EPB41L4A: variants seen among roughly 807,000 people sequenced by gnomAD.
EPB41L4A encodes band 4.1-like protein 4A.
In EPB41L4A, 100 loss-of-function variants were observed where a neutral mutation model predicts 108.6. The ratio of observed to expected loss-of-function variants is 0.92; its 90% confidence interval spans 0.78 to 1.09. The LOEUF is 1.09. EPB41L4A is among the 50% of genes least tolerant of loss of function. The pLI is 0.00. For synonymous variants in EPB41L4A, 319 were observed against 289.0 expected, an observed-to-expected ratio of 1.10 and a Z score of -1.05; for missense variants, 1,030 against 842.7, an observed-to-expected ratio of 1.22 and a Z score of -2.75.
At chr5:112,339,542 A>ATATTTT (rs371198329) in intron 1 of EPB41L4A, among the ~76,000 whole-genome samples, 7 of 110,684 alleles carry the variant, frequency 6.3e-5, no homozygotes, top group African/African-American at 2.0e-4. Flanking sequence ...ATATATATAT[A>ATATTTT]TTTTTTTTTT....
At chr5:112,395,343 T>C (rs1761257578) in intron 1 of EPB41L4A, among the ~76,000 whole-genome samples, 1 of 152,044 alleles carries the variant, frequency 6.6e-6, no homozygotes, top group Non-Finnish European at 1.5e-5. Context: ...TGCAATCTAC[T>C]CATCTGACAA....
In EPB41L4A at chr5:112,301,968, G is replaced by A. The variant is rs112061009; in HGVS notation, c.204+5418C>T. 6.1e-3 allele frequency among the ~76,000 whole-genome samples: 920 copies of A among 151,892 alleles called. 8 individuals are homozygous for A. Among genetic ancestry groups the A allele is most frequent in the African/African-American group, 0.021 (860 of 41,474 alleles). The stretch of plus-strand genomic sequence containing the variant: ...AGTAGAATAGGAATACAAGTTTAAC[G>A]ACATAAAAGGAATAAATAAATGTTT... On this transcript the variant is annotated intron_variant, in intron 2 of 22. Coordinates refer to ENST00000261486, the MANE Select transcript of EPB41L4A (RefSeq NM_022140.5).
chr5:112,171,136 GT>G, intron 18 of EPB41L4A, 144 bp from the exon 19 acceptor site: 2 of 684,524 alleles, frequency 2.9e-6, no homozygotes, highest in Non-Finnish European at 2.5e-6. Context: ...GAGAGCCATT[GT>G]GATGGTTAGT....
At chr5:112,196,102 A>C (rs1402109601) in intron 15 of EPB41L4A, among the ~76,000 whole-genome samples, 6 of 152,044 alleles carry the variant, frequency 3.9e-5, no homozygotes, top group Admixed American at 1.3e-4. Context: ...CCTCCACTTC[A>C]ACTCAGCAAC....
intron 1 of EPB41L4A, among the ~76,000 whole-genome samples, chr5:112,351,914 A>G (rs913129558): frequency 5.3e-5 from 8 of 152,230 alleles, no homozygotes; most frequent in Non-Finnish European, 1.2e-4. Flanking sequence ...TCATCTTGGT[A>G]GATGCAGAGA....
intron 2 of EPB41L4A, among the ~76,000 whole-genome samples, chr5:112,295,842 G>GCAATT (rs1753953611): frequency 6.6e-6 from 1 of 152,142 alleles, no homozygotes; most frequent in Admixed American, 6.5e-5. Flanking sequence ...TAATGATCTT[G>GCAATT]CAATTTCCAT....
At chr5:112,317,788 A>G (rs754601915) in intron 1 of EPB41L4A, among the ~76,000 whole-genome samples, 9 of 152,246 alleles carry the variant, frequency 5.9e-5, no homozygotes, top group Non-Finnish European at 1.3e-4. Context: ...GTAAAAATAT[A>G]AAACTATTTT....
At chr5:112,312,198 G>A (rs1007423465) in intron 1 of EPB41L4A, among the ~76,000 whole-genome samples, 16 of 152,012 alleles carry the variant, frequency 1.1e-4, no homozygotes, top group Non-Finnish European at 2.1e-4. Context: ...AAACCAGCTC[G>A]GGAGTTTACA....
At chr5:112,355,679 C>A (rs1302326548) in intron 1 of EPB41L4A, among the ~76,000 whole-genome samples, 1 of 152,214 alleles carries the variant, frequency 6.6e-6, no homozygotes, top group African/African-American at 2.4e-5. Flanking sequence ...GAACACCACC[C>A]ATGGAGAATT....
intron 1 of EPB41L4A, among the ~76,000 whole-genome samples, chr5:112,392,082 C>G (rs1390823233): frequency 6.6e-6 from 1 of 152,060 alleles, no homozygotes; most frequent in East Asian, 1.9e-4. Context: ...AAGCACTAAA[C>G]ATGGAAAGGA....
chr5:112,243,275 G>A (rs371751949), intron 9 of EPB41L4A, among the ~76,000 whole-genome samples: 45 of 130,690 alleles, frequency 3.4e-4, no homozygotes, highest in Admixed American at 8.2e-4. Flanking sequence ...ATATGTGTGT[G>A]TATATATATA....
Position 112,264,902 on chromosome 5 carries a change from G to C in EPB41L4A, c.548C>G (p.Thr183Ser). ...LEEAIERIHK[T>S]LMGQIPSEAE... ...ATGGTGTAATGATTCTTACATTAGAGTTTTATGAATCCTTTCTATGGCTTC... is the reference window on the plus strand; with the variant it reads ...ATGGTGTAATGATTCTTACATTAGACTTTTATGAATCCTTTCTATGGCTTC... Residue 183 changes from threonine (T) to serine (S), a missense_variant, in exon 6 of 23, where the codon ACT becomes AGT. Physicochemically the swap from Thr to Ser is moderately conservative, Grantham distance 58. Coordinates refer to ENST00000261486, the MANE Select transcript of EPB41L4A (RefSeq NM_022140.5). 1 of 1,610,926 alleles carries C rather than the reference G, an allele frequency of 6.2e-7. No individual in the cohort carries two copies. Among genetic ancestry groups the C allele is most frequent in the Non-Finnish European group, 8.5e-7 (1 of 1,178,980 alleles).
chr5:112,274,620 C>A (rs1752496667), intron 4 of EPB41L4A, among the ~76,000 whole-genome samples: 2 of 152,210 alleles, frequency 1.3e-5, no homozygotes, highest in African/African-American at 4.8e-5. Context: ...ACTGGGAAAA[C>A]TGACCACCTA....
chr5:112,380,594 T>G (rs1031505117), intron 1 of EPB41L4A, among the ~76,000 whole-genome samples: 1 of 152,122 alleles, frequency 6.6e-6, no homozygotes, highest in Admixed American at 6.5e-5. Flanking sequence ...GATTTAGTTC[T>G]TCAAGTCCCT....
chr5:112,247,038 C>A (rs1365108186), intron 9 of EPB41L4A, among the ~76,000 whole-genome samples: 2 of 152,206 alleles, frequency 1.3e-5, no homozygotes, highest in Admixed American at 6.5e-5. Context: ...GTAGGCTAGA[C>A]CAGCCAGGTT....
chr5:112,290,107 G>C (rs1561543629), intron 2 of EPB41L4A, among the ~76,000 whole-genome samples: 1 of 152,202 alleles, frequency 6.6e-6, no homozygotes, highest in East Asian at 1.9e-4. Flanking sequence ...AGAGATGACT[G>C]TGAAAAGCCA....
At chr5:112,229,071 T>C (rs955493462) in intron 12 of EPB41L4A, among the ~76,000 whole-genome samples, 25 of 152,338 alleles carry the variant, frequency 1.6e-4, no homozygotes, top group African/African-American at 4.8e-4. Context: ...TCTAGTTTGA[T>C]TGAATTACTT....
rs142978457 is a variant in EPB41L4A, at chr5:112,384,714, G to A, written c.99+34227C>T. The stretch of plus-strand genomic sequence containing the variant: ...AAGGAAGGAAGGAAGGAAGGGAGAG[G>A]GAGGGAGGGAAAGAGAAACAAAAAG... On this transcript the variant is annotated intron_variant, in intron 1 of 22. Transcript: ENST00000261486. Among the ~76,000 whole-genome samples, 4 of 151,014 alleles carry A rather than the reference G, an allele frequency of 2.6e-5. No individual in the cohort carries two copies. The East Asian group carries it at 7.8e-4, about 29-fold the overall frequency.
At chr5:112,270,899 TAA>T (rs1752220471) in intron 4 of EPB41L4A, among the ~76,000 whole-genome samples, 1 of 152,228 alleles carries the variant, frequency 6.6e-6, no homozygotes, top group African/African-American at 2.4e-5. Flanking sequence ...TTTGAGACTC[TAA>T]AAAATATTAT....
Sources: allele counts gnomAD v4.1 joint callset (sites outside exome capture counted in the v4.1 genomes callset), GRCh38; gene constraint gnomAD v4.1.1; transcripts MANE v1.5; gene names NCBI Gene and HGNC (gene_info 2026-07-23, HGNC 2026-07-21).